The following GBGT1 variants were observed in gnomAD, a reference collection of about 807,000 sequenced individuals.
GBGT1 encodes the protein globoside alpha-1,3-N-acetylgalactosaminyltransferase 1.
In GBGT1, 18 loss-of-function variants were observed where a neutral mutation model predicts 20.9. The observed-to-expected ratio is 0.86, with a 90% CI of 0.60 to 1.28. The LOEUF (loss-of-function observed/expected upper bound fraction) is 1.28. Ranked by LOEUF, GBGT1 falls within the 50% of genes most tolerant of loss-of-function variation. The probability of loss-of-function intolerance (pLI) is 0.00; values close to 1 mark genes in which losing one functional copy is unlikely to be tolerated. For missense variants in GBGT1, 432 were observed against 455.7 expected (o/e 0.95, Z 0.47); for synonymous variants, 168 against 180.8 (o/e 0.93, Z 0.57).
At position 133,161,477 on chromosome 9, in the gene GBGT1, G is replaced by T. The variant is rs370165804; in HGVS notation, c.127C>A (p.Pro43Thr). ...VSYVPYYLPC[P>T]EIFNMKLHYK... is the part of the protein sequence containing the mutation. ...CACACCCATACTTACAAGATCTCTG[G>T]GCAGGGGAGATAATAGGGGACATAG... Residue 43 changes from proline (P) to threonine (T), a missense_variant, in exon 3 of 7, where the codon CCA becomes ACA. By Grantham distance (38) the Pro-to-Thr change is conservative (BLOSUM62 -1). Coordinates refer to ENST00000372040, the MANE Select transcript of GBGT1 (RefSeq NM_021996.6). 1.1e-5 allele frequency: 17 copies of T among 1,608,370 alleles called. No individual in the cohort carries two copies. In the African/African-American group the frequency reaches 1.7e-4, roughly 16 times the overall value.
At chr9:133,156,187 C>T in intron 3 of GBGT1, 122 bp from the exon 4 acceptor site, 5 of 1,046,482 alleles carry the variant, frequency 4.8e-6, no homozygotes, top group African/African-American at 1.6e-5. Context: ...CAGGCTCCCT[C>T]TGACCTTCCC....
Position 133,153,236 on chromosome 9 carries a change from G to A in GBGT1, c.*341C>T, listed in dbSNP as rs1230525106. The A allele has an allele frequency of 8.6e-6, 2 of 233,776 alleles. No individual in the cohort carries two copies. The highest frequency in any genetic ancestry group is 1.7e-5 in the Non-Finnish European group (2 of 120,968). The allele number at this position is 233,776 out of a possible 1,614,324, so 14.5% of individuals were successfully genotyped here. ...TTAAGGGCAATATGCAATAAACGGG[G>A]GACTGGCGCGGCAGGGTTCAGGCAC... On this transcript the variant is annotated 3_prime_UTR_variant, in exon 7 of 7. Coordinates refer to ENST00000372040, the MANE Select transcript of GBGT1 (RefSeq NM_021996.6).
chr9:133,155,864 T>C, intron 5 of GBGT1, 37 bp downstream of exon 5: 2 of 1,611,212 alleles, frequency 1.2e-6, no homozygotes, highest in Non-Finnish European at 1.7e-6. Context: ...TTTTGTCCTT[T>C]TCCCCCGCCC....
rs1050908178 is a variant in GBGT1, at chr9:133,153,900, A to T, written c.721T>A (p.Tyr241Asn). 5.0e-6 allele frequency: 8 copies of T among 1,605,090 alleles called. No homozygotes were observed. The South Asian group carries it at 5.5e-5, about 11-fold the overall frequency. The change falls in exon 7 of 7, where the codon TAT becomes AAT. Residue 241 changes from tyrosine to asparagine, a missense_variant. Coordinates refer to ENST00000372040, the MANE Select transcript of GBGT1 (RefSeq NM_021996.6). ...GCAGTGGAAACACGCCTGCGCTCAT[A>T]GGGGAACTGCTGGCGGGGAACGGCG... ...YYAVPRQQFP[Y>N]ERRRVSTAFV...
rs1354407683 is a variant in GBGT1 at position 133,154,997 on chromosome 9, C to G, written c.359+181G>C. The G allele has an allele frequency of 1.7e-6, 1 of 588,774 alleles. No homozygotes were observed. Among genetic ancestry groups the G allele is most frequent in the East Asian group, 2.8e-5 (1 of 35,946 alleles). 36.5% of individuals were successfully genotyped at this position (588,774 alleles called of 1,614,324 possible). Reference sequence around the variant, plus strand: ...CTATGCTAGAGCCAGATCCCCTACTCCAGGAAGCTCCCATCCCACTATCAC... The same window carrying G: ...CTATGCTAGAGCCAGATCCCCTACTGCAGGAAGCTCCCATCCCACTATCAC... On this transcript the variant is annotated intron_variant, in intron 6 of 6. Transcript: ENST00000372040. The surrounding 1 kb of genome is among the most constrained non-coding windows in gnomAD (Gnocchi z 4.2).
At position 133,154,227 on chromosome 9, in the gene GBGT1, C is replaced by T. The variant is rs750452166; in HGVS notation, c.394G>A (p.Ala132Thr). Residue 132 changes from alanine (A) to threonine (T), a missense_variant, in exon 7 of 7, where the codon GCC (alanine) becomes ACC (threonine). Physicochemically the swap from Ala to Thr is moderately conservative, Grantham distance 58 (BLOSUM62 0). Coordinates refer to ENST00000372040, the MANE Select transcript of GBGT1 (RefSeq NM_021996.6). This position sits in a 1 kb window ranked among gnomAD's most constrained non-coding sequence, Gnocchi z 4.2. ...THFIQSFLES[A>T]EEFFMRGYRV... is the part of the protein sequence containing the mutation. ...TACCCACGCATGAAGAACTCCTCGG[C>T]TGACTCCAGGAAGGACTGGATGAAA... 10 of 1,540,740 alleles carry T rather than the reference C, an allele frequency of 6.5e-6. No individual in the cohort carries two copies. Among genetic ancestry groups the T allele is most frequent in the Non-Finnish European group, 8.8e-6 (10 of 1,138,886 alleles).
At chr9:133,162,736 T>A (rs1833093098) in intron 1 of GBGT1, among the ~76,000 whole-genome samples, 2 of 152,178 alleles carry the variant, frequency 1.3e-5, no homozygotes, top group African/African-American at 4.8e-5. Context: ...AGAAGAGGTT[T>A]CTCCATGTTG....
intron 3 of GBGT1, among the ~76,000 whole-genome samples, chr9:133,156,585 A>T (rs12352309): frequency 0.023 from 3,484 of 151,578 alleles, 142 homozygotes; most frequent in African/African-American, 0.08. Context: ...GCTTGAACCC[A>T]GGAGGCAGAG....
At chr9:133,161,374 C>T (rs2119324508) in intron 3 of GBGT1, 93 bp downstream of exon 3, 2 of 667,026 alleles carry the variant, frequency 3.0e-6, no homozygotes, top group Middle Eastern at 3.9e-4. Flanking sequence ...GAATCAGGAA[C>T]CGGCAGATGA....
At position 133,153,644 on chromosome 9, in the gene GBGT1, T is replaced by G. The variant is rs1564260814; in HGVS notation, c.977A>C (p.Gln326Pro). The G allele has an allele frequency of 5.0e-6, 8 of 1,607,780 alleles. No individual in the cohort carries two copies. The highest frequency in any genetic ancestry group is 5.9e-6 in the Non-Finnish European group (7 of 1,176,678). Reference sequence around the variant, plus strand: ...GCGGATCAGCTTCAGGCTGGGTGGCTGGGGCTTCCTGTCGTCCCAGAGGTA... The same window carrying G: ...GCGGATCAGCTTCAGGCTGGGTGGCGGGGGCTTCCTGTCGTCCCAGAGGTA... ...PEYLWDDRKP[Q>P]PPSLKLIRFS... Residue 326 changes from glutamine (Q) to proline (P), a missense_variant, in exon 7 of 7, where the codon CAG becomes CCG. Gln to Pro is a moderately conservative substitution (Grantham distance 76). Coordinates refer to ENST00000372040, the MANE Select transcript of GBGT1 (RefSeq NM_021996.6).
chr9:133,158,310 T>C (rs1832933909), intron 3 of GBGT1, among the ~76,000 whole-genome samples: 1 of 152,178 alleles, frequency 6.6e-6, no homozygotes, highest in African/African-American at 2.4e-5. Context: ...GTGGGGTCTA[T>C]CTGTGTTGCC....
In GBGT1 at chr9:133,154,143, C is replaced by T. The variant is rs1170287982; in HGVS notation, c.478G>A (p.Gly160Ser). The T allele has an allele frequency of 5.0e-6, 8 of 1,599,434 alleles. No individual in the cohort carries two copies. The Admixed American group carries it at 1.0e-4, about 20-fold the overall frequency. ...ATGGAGCTGAGAAGCCGGTGGGGAC[C>T]CAGCGGGACCCCGGGAACGGCTGCA... is the stretch of plus-strand genomic sequence containing the variant. ...NPAAVPGVPL[G>S]PHRLLSSIPI... is the part of the protein sequence containing the mutation. The change falls in exon 7 of 7, where the codon GGT becomes AGT. Residue 160 changes from glycine (G) to serine (S), a missense_variant. Coordinates refer to ENST00000372040, the MANE Select transcript of GBGT1 (RefSeq NM_021996.6). The surrounding 1 kb of genome is among the most constrained non-coding windows in gnomAD (Gnocchi z 4.2).
At chr9:133,160,967 G>A (rs946901792) in intron 3 of GBGT1, 8 of 329,744 alleles carry the variant, frequency 2.4e-5, no homozygotes, top group East Asian at 4.5e-5. Context: ...CCAAGATCAC[G>A]CCACTGCACT....
At chr9:133,156,706 T>C (rs1295465946) in intron 3 of GBGT1, among the ~76,000 whole-genome samples, 1 of 150,624 alleles carries the variant, frequency 6.6e-6, no homozygotes, top group African/African-American at 2.4e-5. Context: ...GACTGGGACC[T>C]CGGGTGAGCT....
At chr9:133,158,250 T>A (rs913653272) in intron 3 of GBGT1, among the ~76,000 whole-genome samples, 1 of 152,170 alleles carries the variant, frequency 6.6e-6, no homozygotes, top group African/African-American at 2.4e-5. Context: ...GACACAGTAG[T>A]CTGCCAGGTC....
rs200931814 is a variant in GBGT1, at chr9:133,154,199, C to G, written c.422G>C (p.Arg141Pro). The G allele has an allele frequency of 6.4e-7, 1 of 1,562,656 alleles. No individual in the cohort carries two copies. The highest frequency in any genetic ancestry group is 1.7e-4 in the Middle Eastern group (1 of 5,802). The change falls in exon 7 of 7, where the codon CGG becomes CCG. Residue 141 changes from arginine to proline, a missense_variant. By Grantham distance (103) the Arg-to-Pro change is moderately radical (BLOSUM62 -2). Transcript: ENST00000372040. This position sits in a 1 kb window ranked among gnomAD's most constrained non-coding sequence, Gnocchi z 4.2. ...SAEEFFMRGY[R>P]VHYYIFTDNP... ...GTCAGTGAAGATGTAGTAGTGCACC[C>G]GGTACCCACGCATGAAGAACTCCTC...
At position 133,161,425 on chromosome 9, in the gene GBGT1, G is replaced by C. The variant is rs779070397; in HGVS notation, c.137+42C>G. 1.2e-5 allele frequency: 16 copies of C among 1,296,902 alleles called. No homozygotes were observed. In the Admixed American group the frequency reaches 3.1e-4, roughly 25 times the overall value. The allele number at this position is 1,296,902 out of a possible 1,614,324, so 80.3% of individuals were successfully genotyped here. A position where few individuals can be genotyped will look rare whatever the true frequency, so the allele number is the denominator to read the frequency against. On this transcript the variant is annotated intron_variant, in intron 3 of 6. Transcript: ENST00000372040. ...TCTCCTGTCTCCCCAACTGTGAGCA[G>C]CCCTCAGGGCCCCCAGTTCTCCTAG...
Position 133,153,732 on chromosome 9 carries a change from C to T in GBGT1, c.889G>A (p.Glu297Lys), listed in dbSNP as rs1832779469. 2 of 1,613,618 alleles carry T rather than the reference C, an allele frequency of 1.2e-6. No homozygotes were observed. Among genetic ancestry groups the T allele is most frequent in the Non-Finnish European group, 1.7e-6 (2 of 1,179,880 alleles). ...KANGIMAAWR[E>K]ESHLNRHFIS... ...AAGTGACGGTTCAGGTGGCTTTCCT[C>T]CCGCCAGGCAGCCATGATGCCATTG... The change falls in exon 7 of 7, where the codon GAG becomes AAG. Residue 297 changes from glutamate (E) to lysine (K), a missense_variant. Physicochemically the swap from Glu to Lys is moderately conservative, Grantham distance 56. Transcript: ENST00000372040.
At chr9:133,155,465 C>A (rs973927938) in intron 5 of GBGT1, 153 bp from the exon 6 acceptor site, 4 of 824,904 alleles carry the variant, frequency 4.8e-6, no homozygotes, top group Non-Finnish European at 7.6e-6. Context: ...ATAATGATAG[C>A]CACCTCCCAG....
Sources: allele counts gnomAD v4.1 joint callset (sites outside exome capture counted in the v4.1 genomes callset), GRCh38; gene constraint gnomAD v4.1.1; non-coding constraint Gnocchi (gnomAD v3.1); transcripts MANE v1.5; gene names NCBI Gene and HGNC (gene_info 2026-07-23, HGNC 2026-07-21).